ZNF800: variants seen among roughly 807,000 people sequenced by gnomAD.
ZNF800 encodes zinc finger protein 800.
A neutral mutation model predicts 59.5 loss-of-function variants in ZNF800; 13 were observed. That is an observed-to-expected ratio of 0.22 (90% CI 0.14 to 0.35). The LOEUF (loss-of-function observed/expected upper bound fraction) is 0.35, where lower values mean the gene tolerates loss of function less well. ZNF800 is among the 10% of genes least tolerant of loss of function. ZNF800 has a pLI of 1.00. For synonymous variants in ZNF800, 266 were observed against 265.7 expected (o/e 1.00, Z -0.01); for missense variants, 621 against 783.7 (o/e 0.79, Z 2.48).
chr7:127,363,810 A>G (rs1482343018), intron 1 of ZNF800: 2 of 152,114 alleles, frequency 1.3e-5, no homozygotes, highest in African/African-American at 4.8e-5. Flanking sequence ...AGTGATTTAA[A>G]CTGGAAAGAA....
chr7:127,373,365 A>G lies in ZNF800; in HGVS notation c.1971T>C (p.Ser657=). 5 of 1,607,362 alleles carry G rather than the reference A, an allele frequency of 3.1e-6. No homozygotes were observed. Among genetic ancestry groups the G allele is most frequent in the Non-Finnish European group, 4.3e-6 (5 of 1,176,404 alleles). ...ACCAGACAAGAGCCTTAGATCTTGT[A>G]CTTCGGCCTTTGGTTTTGTTTCCTT... ...SPEGNKTKGR[S]TRSKALV is the part of the protein sequence containing the mutation. Residue 657 remains serine, a synonymous_variant, in exon 5 of 6, where the codon AGT becomes AGC. Transcript: ENST00000265827.
At chr7:127,378,743 A>G (rs949116544) in intron 3 of ZNF800, among the ~76,000 whole-genome samples, 2 of 151,922 alleles carry the variant, frequency 1.3e-5, no homozygotes, top group East Asian at 1.9e-4. Flanking sequence ...AGAGAGAGAG[A>G]GAGGGAGATA....
intron 3 of ZNF800, among the ~76,000 whole-genome samples, chr7:127,384,214 C>G (rs1801061851): frequency 1.0e-5 from 1 of 100,240 alleles, no homozygotes; most frequent in Non-Finnish European, 2.1e-5. Context: ...TATGACTTAA[C>G]TAATTCTAAC....
At position 127,375,008 on chromosome 7, in the gene ZNF800, T is replaced by G. The variant is rs750950867; in HGVS notation, c.328A>C (p.Ser110Arg). 2 of 1,590,022 alleles carry G rather than the reference T, an allele frequency of 1.3e-6. No homozygotes were observed. The stretch of plus-strand genomic sequence containing the variant: ...TCTAGGAGATCATTTATGGCTTGGC[T>G]TTGTTTATCATTTACATCAGGAAGG... ...DNLPDVNDKQ[S>R]QAINDLLEAI... Residue 110 changes from serine (S) to arginine (R), a missense_variant, in exon 5 of 6, where the codon AGC becomes CGC. Physicochemically the swap from Ser to Arg is moderately radical, Grantham distance 110 (BLOSUM62 -1). Transcript: ENST00000265827.
chr7:127,373,806 A>G lies in ZNF800; in HGVS notation c.1530T>C (p.Asp510=), dbSNP rs1463921131. 1.2e-6 allele frequency: 2 copies of G among 1,614,142 alleles called. No individual in the cohort carries two copies. Among genetic ancestry groups the G allele is most frequent in the South Asian group, 2.2e-5 (2 of 91,072 alleles). Residue 510 remains aspartate, a synonymous_variant, in exon 5 of 6, where the codon GAT becomes GAC. Coordinates refer to ENST00000265827, the MANE Select transcript of ZNF800 (RefSeq NM_176814.5). ...AGAATTTAACATAAATGTTATTTCC[A>G]TCTGTGTGCAACTCGATGTGTTTAG... is the stretch of plus-strand genomic sequence containing the variant. The part of the protein sequence containing the change: ...NLTKHIELHT[D]GNNIYVKFYK...
At chr7:127,369,292 T>C (rs1031758712), downstream of ZNF800, among the ~76,000 whole-genome samples, 1 of 152,188 alleles carries the variant, frequency 6.6e-6, no homozygotes, top group Non-Finnish European at 1.5e-5. Context: ...TATAGCCAGA[T>C]AGGTCTTATA....
At chr7:127,359,329 T>C (rs930915273) in intron 1 of ZNF800, among the ~76,000 whole-genome samples, 2 of 152,094 alleles carry the variant, frequency 1.3e-5, no homozygotes, top group South Asian at 2.1e-4. Context: ...CTTCCTATGA[T>C]CAACCCAGTA....
chr7:127,378,754 A>C (rs569061379), intron 3 of ZNF800, among the ~76,000 whole-genome samples: 3 of 151,456 alleles, frequency 2.0e-5, no homozygotes, highest in Admixed American at 6.6e-5. Context: ...GAGGGAGATA[A>C]TTATTGTTGA....
chr7:127,373,730 G>A lies in ZNF800; in HGVS notation c.1606C>T (p.Arg536Ter). ...TTTTTATGAACCACAGTTATATGTC[G>A]TATCACATCACGTTTCCGACGAGTT... ...YETRRKRDVI[R>*]HITVVHKKSS... The change falls in exon 5 of 6, where the codon CGA (arginine) becomes TGA (stop). Residue 536 changes from arginine to a stop codon, truncating the protein, a stop_gained. Coordinates refer to ENST00000265827, the MANE Select transcript of ZNF800 (RefSeq NM_176814.5). LOFTEE classifies it high-confidence loss of function. 6.2e-7 allele frequency: 1 copy of A among 1,614,062 alleles called. No individual in the cohort carries two copies. The highest frequency in any genetic ancestry group is 8.5e-7 in the Non-Finnish European group (1 of 1,179,996).
intron 1 of ZNF800, among the ~76,000 whole-genome samples, chr7:127,356,058 G>A (rs17867831): frequency 0.016 from 2,371 of 152,036 alleles, 20 homozygotes; most frequent in Non-Finnish European, 0.025. Context: ...TTGTGAATTG[G>A]GCCTGGGTGA....
chr7:127,344,257 T>C (rs1007520904), downstream of ZNF800, among the ~76,000 whole-genome samples: 1 of 151,788 alleles, frequency 6.6e-6, no homozygotes, highest in Non-Finnish European at 1.5e-5. Flanking sequence ...TAGCCACTAA[T>C]AAAAAATGAT....
At position 127,373,602 on chromosome 7, in the gene ZNF800, C is replaced by T. The variant is rs527854334; in HGVS notation, c.1734G>A (p.Ser578=). 5.6e-6 allele frequency: 9 copies of T among 1,614,142 alleles called. No homozygotes were observed. The highest frequency in any genetic ancestry group is 2.2e-5 in the East Asian group (1 of 44,874). The change falls in exon 5 of 6, where the codon TCG becomes TCA. Residue 578 remains serine (S), a synonymous_variant. Transcript: ENST00000265827. ...AATCACTATGTTTTGCTTCATCCCT[C>T]GAAGGGCCTCTTTTTGCCACTTTAT... ...VLNKVAKRGP[S]RDEAKHSDSK...
At chr7:127,363,314 G>A (rs1188229285) in intron 1 of ZNF800, 3 of 151,818 alleles carry the variant, frequency 2.0e-5, no homozygotes. Flanking sequence ...GATACCTCGG[G>A]AATAGAGGAA....
chr7:127,352,649 G>A (rs1800189320), intron 1 of ZNF800, among the ~76,000 whole-genome samples: 1 of 152,198 alleles, frequency 6.6e-6, no homozygotes, highest in Non-Finnish European at 1.5e-5. Context: ...CCATAAACAT[G>A]AGAAATGATT....
chr7:127,349,920 T>G (rs957806745), intron 1 of ZNF800: 1 of 152,164 alleles, frequency 6.6e-6, no homozygotes, highest in Non-Finnish European at 1.5e-5. Flanking sequence ...ATTTTTGGAG[T>G]CCCTATTATG....
rs17865999 is a variant in ZNF800 at position 127,385,227 on chromosome 7, T to C, written c.157+833A>G. ...ATTCAGTTAGTTAAGATTTAAATAATGACAAGGTATTCTAATCCTCTAAGT... is the reference window on the plus strand; with the variant it reads ...ATTCAGTTAGTTAAGATTTAAATAACGACAAGGTATTCTAATCCTCTAAGT... On this transcript the variant is annotated intron_variant, in intron 3 of 5. Transcript: ENST00000265827. Among the ~76,000 whole-genome samples the C allele has an allele frequency of 5.1e-3, 775 of 152,328 alleles. 8 individuals carry two copies. Among genetic ancestry groups the C allele is most frequent in the African/African-American group, 0.018 (742 of 41,564 alleles).
rs1800813099 is a variant in ZNF800, at chr7:127,377,258, G to T, written c.229C>A (p.Leu77Ile). 1.2e-6 allele frequency: 2 copies of T among 1,611,804 alleles called. No individual in the cohort carries two copies. The highest frequency in any genetic ancestry group is 4.5e-5 in the East Asian group (2 of 44,798). Residue 77 changes from leucine (L) to isoleucine (I), a missense_variant, in exon 4 of 6, where the codon CTC (leucine) becomes ATC (isoleucine). Coordinates refer to ENST00000265827, the MANE Select transcript of ZNF800 (RefSeq NM_176814.5). This position sits in a 1 kb window ranked among gnomAD's most constrained non-coding sequence, Gnocchi z 4.7. ...TIFECKLCRS[L>I]FRGLPNLITH... ...ATTAAATTTGGTAATCCTCTGAAGA[G>T]ACTGCGGCATAACTTACATTCAAAA... is the stretch of plus-strand genomic sequence containing the variant.
intron 1 of ZNF800, among the ~76,000 whole-genome samples, chr7:127,354,595 T>C (rs967589049): frequency 1.3e-5 from 2 of 152,128 alleles, no homozygotes; most frequent in African/African-American, 4.8e-5. Flanking sequence ...TCCAAGAAAT[T>C]GGTAACTTCT....
chr7:127,384,552 A>T (rs1416347499), intron 3 of ZNF800, among the ~76,000 whole-genome samples: 1 of 151,844 alleles, frequency 6.6e-6, no homozygotes, highest in Non-Finnish European at 1.5e-5. Flanking sequence ...ACTTCTCAAT[A>T]AAAAAATGCT....
Sources: gnomAD v4.1 joint callset for allele counts (sites outside exome capture counted in the v4.1 genomes callset) on GRCh38, gnomAD v4.1.1 for gene constraint, Gnocchi (gnomAD v3.1) non-coding constraint, MANE v1.5 for transcripts, NCBI Gene and HGNC (gene_info 2026-07-23, HGNC 2026-07-21) for gene names.